ASTN2: variants seen among roughly 807,000 people sequenced by gnomAD.
The protein encoded by ASTN2 is astrotactin-2.
A neutral mutation model predicts 139.8 loss-of-function variants in ASTN2; 54 were observed. That is an observed-to-expected ratio of 0.39 (90% CI 0.31 to 0.48). The LOEUF is 0.48. Ranked by LOEUF, ASTN2 falls within the 20% of genes least tolerant of loss-of-function variation. ASTN2 has a pLI of 0.95. For missense variants in ASTN2, 1,565 were observed against 1,725.1 expected (o/e 0.91, Z 1.64); for synonymous variants, 756 against 719.5 (o/e 1.05, Z -0.81).
rs548841516 is a variant in ASTN2, at chr9:116,440,207, T to A, written c.3782+402A>T. Among the ~76,000 whole-genome samples, 566 of 152,170 alleles carry A rather than the reference T, an allele frequency of 3.7e-3. 3 individuals are homozygous for A. Among genetic ancestry groups the A allele is most frequent in the African/African-American group, 0.012 (514 of 41,532 alleles). ...TAGTCAAAATCATAGCTATTTACTG[T>A]AAAAAAACTCAGACTTCTTATGGAA... On this transcript the variant is annotated intron_variant, in intron 22 of 22. Transcript: ENST00000313400.
At chr9:116,575,568 T>C (rs930537334) in intron 19 of ASTN2, among the ~76,000 whole-genome samples, 1 of 152,178 alleles carries the variant, frequency 6.6e-6, no homozygotes, top group Non-Finnish European at 1.5e-5. Flanking sequence ...AATCAATGTA[T>C]CTTTGTTATA....
chr9:117,085,250 C>T (rs1291687937), intron 5 of ASTN2, among the ~76,000 whole-genome samples: 5 of 152,178 alleles, frequency 3.3e-5, no homozygotes, highest in Admixed American at 2.6e-4. Flanking sequence ...AGAAAATGGT[C>T]TTTGAATCCT....
At chr9:117,279,505 G>A (rs1248558743) in intron 2 of ASTN2, among the ~76,000 whole-genome samples, 3 of 152,146 alleles carry the variant, frequency 2.0e-5, no homozygotes, top group Non-Finnish European at 4.4e-5. Context: ...AGAAGACAGA[G>A]GCACAGAGAA....
chr9:116,500,453 C>A (rs114953475), intron 19 of ASTN2, among the ~76,000 whole-genome samples: 1,858 of 152,310 alleles, frequency 0.012, 33 homozygotes, highest in African/African-American at 0.043. Flanking sequence ...GTCTTCTCAT[C>A]CAGGCTGTGA....
At chr9:116,439,862 T>C (rs1847789537) in intron 22 of ASTN2, among the ~76,000 whole-genome samples, 1 of 152,224 alleles carries the variant, frequency 6.6e-6, no homozygotes, top group South Asian at 2.1e-4. Flanking sequence ...CTGCTCTACA[T>C]AACTGCCTGT....
chr9:117,193,769 A>G (rs568041679), intron 3 of ASTN2, among the ~76,000 whole-genome samples: 1 of 152,316 alleles, frequency 6.6e-6, no homozygotes, highest in South Asian at 2.1e-4. Flanking sequence ...TTTTGTTAAA[A>G]CAATTCTGCC....
At chr9:116,633,692 A>C (rs1056962299) in intron 17 of ASTN2, among the ~76,000 whole-genome samples, 5 of 152,180 alleles carry the variant, frequency 3.3e-5, no homozygotes, top group African/African-American at 1.2e-4. Context: ...TCATTTTTCC[A>C]GTACGCCCAT....
At position 117,039,924 on chromosome 9, in the gene ASTN2, T is replaced by A. The variant is rs1191763793; in HGVS notation, c.1318A>T (p.Ile440Phe). Residue 440 changes from isoleucine to phenylalanine, a missense_variant, in exon 6 of 23, where the codon ATT becomes TTT. Ile to Phe is a conservative substitution (Grantham distance 21, BLOSUM62 0). This residue lies in a region of ASTN2 where 503 missense variants were observed against 591.7 expected (regional missense o/e 0.85). Transcript: ENST00000313400. ...SPVNKTALTL[I>F]AVSSCILAMV... ...GCCAGGATGCAGGAACTCACAGCAA[T>A]CAGTGTCAGGGCTGTCTTGTTCACT... is the stretch of plus-strand genomic sequence containing the variant. 1 of 1,613,676 alleles carries A rather than the reference T, an allele frequency of 6.2e-7. No individual in the cohort carries two copies. Among genetic ancestry groups the A allele is most frequent in the African/African-American group, 1.3e-5 (1 of 74,902 alleles).
At chr9:117,111,379 A>G (rs552864597) in intron 4 of ASTN2, among the ~76,000 whole-genome samples, 358 of 152,300 alleles carry the variant, frequency 2.4e-3, no homozygotes, top group Middle Eastern at 6.8e-3. Flanking sequence ...CAGGAAAAAA[A>G]CTATATCTAC....
intron 13 of ASTN2, among the ~76,000 whole-genome samples, chr9:116,803,522 ATTTTTT>A (rs1158429877): frequency 8.6e-3 from 180 of 21,038 alleles, no homozygotes; most frequent in African/African-American, 0.026. Flanking sequence ...ATATATATAT[ATTTTTT>A]TTTTTTTTTT....
intron 16 of ASTN2, chr9:116,687,227 C>G (rs1054293637): frequency 2.0e-6 from 2 of 1,004,174 alleles, no homozygotes; most frequent in Non-Finnish European, 2.4e-6. Context: ...GCCAGCTGCA[C>G]GACAAGCCCC....
chr9:117,025,771 T>C (rs926741755), intron 6 of ASTN2, among the ~76,000 whole-genome samples: 1 of 151,528 alleles, frequency 6.6e-6, no homozygotes, highest in African/African-American at 2.4e-5. Flanking sequence ...GTTCTAATAT[T>C]GTGGTTTTTC....
intron 16 of ASTN2, among the ~76,000 whole-genome samples, chr9:116,703,724 A>G (rs1255762283): frequency 2.0e-5 from 1 of 50,918 alleles, no homozygotes; most frequent in East Asian, 4.0e-4. Context: ...CTTAAAGTAT[A>G]ATAATAAAAA....
At chr9:116,941,884 T>C (rs544199748) in intron 10 of ASTN2, among the ~76,000 whole-genome samples, 28 of 150,874 alleles carry the variant, frequency 1.9e-4, no homozygotes, top group African/African-American at 6.8e-4. Flanking sequence ...CCAAGCAAGA[T>C]AGCCAGACGA....
At chr9:117,294,399 A>G (rs1275171544) in intron 1 of ASTN2, among the ~76,000 whole-genome samples, 1 of 152,278 alleles carries the variant, frequency 6.6e-6, no homozygotes, top group Non-Finnish European at 1.5e-5. Flanking sequence ...AAGAAAAGAA[A>G]CTGTTGTTGA....
Position 116,838,101 on chromosome 9 carries a change from G to GTTTTTT in ASTN2, c.2041-17324_2041-17319dup, listed in dbSNP as rs752512675. On this transcript the variant is annotated intron_variant, in intron 11 of 22. Transcript: ENST00000313400. The stretch of plus-strand genomic sequence containing the variant: ...CTGGATTCCAGTTCTGCCTGGCTGT[G>GTTTTTT]TTTTTTTTTGTTTTGTTTTGTTTTT... Among the ~76,000 whole-genome samples the GTTTTTT allele has an allele frequency of 1.6e-4, 21 of 134,136 alleles. 2 individuals are homozygous for GTTTTTT. Among genetic ancestry groups the GTTTTTT allele is most frequent in the Admixed American group, 3.1e-4 (4 of 12,772 alleles). The allele number at this position is 134,136 out of a possible 152,430, so 88.0% of individuals were successfully genotyped here.
intron 3 of ASTN2, among the ~76,000 whole-genome samples, chr9:117,168,587 C>T (rs1427209212): frequency 6.6e-6 from 1 of 152,032 alleles, no homozygotes; most frequent in Non-Finnish European, 1.5e-5. Flanking sequence ...TAGAACAATG[C>T]CTATAATCCT....
rs527237430 is a variant in ASTN2, at chr9:117,077,700, A to G, written c.1276+18344T>C. ...CAGATGGAGGCTGCAGTGAGCTAAG[A>G]TAGTGCCACTGCACTCCAGCCTGGG... On this transcript the variant is annotated intron_variant, in intron 5 of 22. Coordinates refer to ENST00000313400, the MANE Select transcript of ASTN2 (RefSeq NM_001365068.1). 2.0e-5 allele frequency among the ~76,000 whole-genome samples: 3 copies of G among 152,300 alleles called. No individual in the cohort carries two copies. In the South Asian group the frequency reaches 6.2e-4, roughly 32 times the overall value.
intron 1 of ASTN2, among the ~76,000 whole-genome samples, chr9:117,391,834 T>C (rs896584639): frequency 2.6e-5 from 4 of 152,056 alleles, no homozygotes; most frequent in Admixed American, 6.6e-5. Flanking sequence ...CTAGATACAA[T>C]AGGGGCACAG....
Sources: gnomAD v4.1 joint callset for allele counts (sites outside exome capture counted in the v4.1 genomes callset) on GRCh38, gnomAD v4.1.1 for gene constraint, gnomAD v4.1.1 regional missense constraint, MANE v1.5 for transcripts, NCBI Gene and HGNC (gene_info 2026-07-23, HGNC 2026-07-21) for gene names.